Variants in HMGCLL1 observed in about 807,000 individuals in gnomAD.
The protein encoded by HMGCLL1 is 3-hydroxy-3-methylglutaryl-CoA lyase like 1.
In HMGCLL1, 36 loss-of-function variants were observed where a neutral mutation model predicts 39.1. That is an observed-to-expected ratio of 0.92 (90% CI 0.71 to 1.22). HMGCLL1 has a LOEUF of 1.22. HMGCLL1 is among the 50% of genes most tolerant of loss of function. The pLI is 0.00. For synonymous variants in HMGCLL1, 149 were observed against 144.0 expected, an observed-to-expected ratio of 1.03 and a Z score of -0.25; for missense variants, 451 against 416.5, an observed-to-expected ratio of 1.08 and a Z score of -0.72.
At chr6:55,601,568 A>G in the HMGCLL1 span, among the ~76,000 whole-genome samples, 240 of 152,306 alleles carry the variant, frequency 1.6e-3, no homozygotes, top group Non-Finnish European at 3.1e-3. Flanking sequence ...AAGCCACTGC[A>G]AAGGGCATAA....
the HMGCLL1 span, among the ~76,000 whole-genome samples, chr6:55,590,526 G>A: frequency 6.6e-6 from 1 of 152,042 alleles, no homozygotes; most frequent in African/African-American, 2.4e-5. Flanking sequence ...AAAAGCAATG[G>A]CAACAAAAGC....
upstream of HMGCLL1, among the ~76,000 whole-genome samples, chr6:55,583,825 G>A (rs939206700): frequency 6.6e-6 from 1 of 152,024 alleles, no homozygotes; most frequent in Admixed American, 6.6e-5. Context: ...ATTTGTTTTT[G>A]TTAACATCTT....
chr6:55,449,541 A>G (rs1391379488), intron 7 of HMGCLL1, among the ~76,000 whole-genome samples: 1 of 152,216 alleles, frequency 6.6e-6, no homozygotes, highest in Non-Finnish European at 1.5e-5. Context: ...GTGTGTTTTT[A>G]TATCAGCATA....
At chr6:55,487,033 G>T (rs573349537) in intron 7 of HMGCLL1, among the ~76,000 whole-genome samples, 1 of 152,078 alleles carries the variant, frequency 6.6e-6, no homozygotes, top group South Asian at 2.1e-4. Flanking sequence ...ACCTCCCAGA[G>T]GCCTCACCTT....
intron 1 of HMGCLL1, among the ~76,000 whole-genome samples, chr6:55,571,772 G>A (rs1771512373): frequency 6.6e-6 from 1 of 152,074 alleles, no homozygotes; most frequent in Non-Finnish European, 1.5e-5. Flanking sequence ...TCGCGCCACT[G>A]CACTCCAGCC....
Position 55,579,179 on chromosome 6 carries a change from C to A in HMGCLL1, c.-124G>T. On this transcript the variant is annotated 5_prime_UTR_variant, in exon 1 of 9. Coordinates refer to ENST00000274901, the MANE Select transcript of HMGCLL1 (RefSeq NM_001042406.2). ...CCTCCGGTGCACTGGCTGTGAGGAC[C>A]AGAGCTGTTCTGCGCACTGCGGCGG... The A allele has an allele frequency of 2.7e-6, 2 of 739,724 alleles. No individual in the cohort carries two copies. Among genetic ancestry groups the A allele is most frequent in the Non-Finnish European group, 4.6e-6 (2 of 434,710 alleles). The allele number at this position is 739,724 out of a possible 1,614,324, so 45.8% of individuals were successfully genotyped here.
In HMGCLL1 at chr6:55,579,103, G is replaced by C. The variant is rs756981244; in HGVS notation, c.-48C>G. 2.1e-5 allele frequency: 29 copies of C among 1,414,254 alleles called. No homozygotes were observed. The highest frequency in any genetic ancestry group is 3.6e-5 in the Admixed American group (2 of 54,904). 87.6% of individuals were successfully genotyped at this position (1,414,254 alleles called of 1,614,324 possible). A position where few individuals can be genotyped will look rare whatever the true frequency, so the allele number is the denominator to read the frequency against. On this transcript the variant is annotated 5_prime_UTR_variant, in exon 1 of 9. In the 5' UTR this introduces an upstream ATG that the reference lacks. Coordinates refer to ENST00000274901, the MANE Select transcript of HMGCLL1 (RefSeq NM_001042406.2). Reference sequence around the variant, plus strand: ...GGCGAGGGGAGGGAGACTGGAGGAGGATGAGGGGCGGGCACCGCGCTGGGA... The same window carrying C: ...GGCGAGGGGAGGGAGACTGGAGGAGCATGAGGGGCGGGCACCGCGCTGGGA...
rs138390675 is a variant in HMGCLL1 at position 55,460,189 on chromosome 6, T to C, written c.796-20630A>G. Among the ~76,000 whole-genome samples, 603 of 151,952 alleles carry C rather than the reference T, an allele frequency of 4.0e-3. 4 individuals carry two copies. The highest frequency in any genetic ancestry group is 0.014 in the African/African-American group (574 of 41,516). On this transcript the variant is annotated intron_variant, in intron 7 of 8. Coordinates refer to ENST00000274901, the MANE Select transcript of HMGCLL1 (RefSeq NM_001042406.2). The stretch of plus-strand genomic sequence containing the variant: ...CTGTGTTTTAGAAATTTTAGAGAGG[T>C]GGGACTCTTCCAGGCAGTCTCTCAC...
At chr6:55,641,427 T>C in the HMGCLL1 span, among the ~76,000 whole-genome samples, 1 of 152,000 alleles carries the variant, frequency 6.6e-6, no homozygotes, top group Non-Finnish European at 1.5e-5. Context: ...AAAGACAATA[T>C]CTATAAATAA....
At chr6:55,588,213 C>A in the HMGCLL1 span, among the ~76,000 whole-genome samples, 3 of 151,924 alleles carry the variant, frequency 2.0e-5, no homozygotes, top group Non-Finnish European at 4.4e-5. Flanking sequence ...TCTCTCAGAC[C>A]GCAGTGCAAT....
intron 1 of HMGCLL1, chr6:55,577,037 T>C (rs368531427): frequency 1.2e-6 from 2 of 1,602,412 alleles, no homozygotes; most frequent in Admixed American, 1.7e-5. Context: ...AAACTCACAC[T>C]AGGAAGAGTG....
At chr6:55,632,723 GA>G in the HMGCLL1 span, among the ~76,000 whole-genome samples, 1 of 151,946 alleles carries the variant, frequency 6.6e-6, no homozygotes, top group Non-Finnish European at 1.5e-5. Flanking sequence ...TAATGGATTT[GA>G]GCTCCTGAAG....
chr6:55,512,646 C>A (rs549151381), intron 5 of HMGCLL1: 1 of 151,796 alleles, frequency 6.6e-6, no homozygotes, highest in East Asian at 1.9e-4. Context: ...TAGGTATAGT[C>A]TAACTCTAAT....
intron 7 of HMGCLL1, among the ~76,000 whole-genome samples, chr6:55,452,678 T>G (rs1253447902): frequency 1.3e-5 from 2 of 152,212 alleles, no homozygotes; most frequent in Admixed American, 1.3e-4. Context: ...AAAAAAAGAC[T>G]TCTTTCTAAA....
intron 4 of HMGCLL1, among the ~76,000 whole-genome samples, chr6:55,516,018 G>T (rs1263880573): frequency 1.3e-5 from 2 of 151,722 alleles, no homozygotes; most frequent in African/African-American, 4.8e-5. Flanking sequence ...AATCACAGAG[G>T]ATCAAAAGAA....
At chr6:55,636,170 T>C in the HMGCLL1 span, among the ~76,000 whole-genome samples, 1 of 152,084 alleles carries the variant, frequency 6.6e-6, no homozygotes, top group African/African-American at 2.4e-5. Context: ...ATTAATAAAG[T>C]AGAGACCACC....
intron 5 of HMGCLL1, among the ~76,000 whole-genome samples, chr6:55,505,899 G>T (rs1292294692): frequency 6.6e-6 from 1 of 151,644 alleles, no homozygotes; most frequent in African/African-American, 2.4e-5. Context: ...TGGAAAAGTT[G>T]CCACGTAAAA....
At chr6:55,477,328 T>A (rs867758889) in intron 7 of HMGCLL1, among the ~76,000 whole-genome samples, 15 of 18,050 alleles carry the variant, frequency 8.3e-4, no homozygotes, top group African/African-American at 3.0e-3. Context: ...TATATTATAT[T>A]ATATAATATA....
chr6:55,445,657 C>A (rs1278232159), intron 7 of HMGCLL1, among the ~76,000 whole-genome samples: 3 of 151,740 alleles, frequency 2.0e-5, no homozygotes, highest in Non-Finnish European at 4.4e-5. Flanking sequence ...GGTGTGCATG[C>A]ATGTGTGTGT....
Sources: gnomAD v4.1 joint callset for allele counts (sites outside exome capture counted in the v4.1 genomes callset) on GRCh38, gnomAD v4.1.1 for gene constraint, MANE v1.5 for transcripts, NCBI Gene and HGNC (gene_info 2026-07-23, HGNC 2026-07-21) for gene names.